DPP10: variants seen among roughly 807,000 people sequenced by gnomAD.
DPP10 encodes the protein inactive dipeptidyl peptidase 10.
In DPP10, 33 loss-of-function variants were observed where a neutral mutation model predicts 120.9. The observed-to-expected ratio is 0.27, with a 90% CI of 0.21 to 0.37. The LOEUF is 0.37. DPP10 is among the 10% of genes least tolerant of loss of function. The probability of loss-of-function intolerance (pLI) is 1.00; values close to 1 mark genes in which losing one functional copy is unlikely to be tolerated. For missense variants in DPP10, 816 were observed against 942.8 expected (o/e 0.87, Z 1.76); for synonymous variants, 337 against 326.1 (o/e 1.03, Z -0.36).
chr2:114,481,092 G>A (rs902051066), intron 1 of DPP10, among the ~76,000 whole-genome samples: 14 of 151,430 alleles, frequency 9.2e-5, no homozygotes, highest in Non-Finnish European at 5.9e-5. Flanking sequence ...ATTTGACACC[G>A]AAAGCATGAT....
At chr2:115,063,613 C>A (rs1452191305) in intron 1 of DPP10, among the ~76,000 whole-genome samples, 1 of 152,140 alleles carries the variant, frequency 6.6e-6, no homozygotes, top group Non-Finnish European at 1.5e-5. Context: ...AATAAGATTG[C>A]ATGTCTATAA....
chr2:114,993,870 T>C (rs745820028), intron 1 of DPP10, among the ~76,000 whole-genome samples: 5 of 152,122 alleles, frequency 3.3e-5, no homozygotes, highest in Non-Finnish European at 5.9e-5. Context: ...GAAGTCCAAA[T>C]TGACTGCAAC....
At position 115,481,455 on chromosome 2, in the gene DPP10, G is replaced by A. The variant is rs367989804; in HGVS notation, c.272-18055G>A. Among the ~76,000 whole-genome samples, 31 of 152,216 alleles carry A rather than the reference G, an allele frequency of 2.0e-4. No homozygotes were observed. The East Asian group carries it at 3.7e-3, about 18-fold the overall frequency. The stretch of plus-strand genomic sequence containing the variant: ...ATCGTTCATTCATTCAGAGATAACC[G>A]GTATTGCAGTAAGTAGGCTGGACTT... On this transcript the variant is annotated intron_variant, in intron 3 of 25. Transcript: ENST00000410059.
intron 1 of DPP10, among the ~76,000 whole-genome samples, chr2:114,452,465 T>C (rs965646591): frequency 6.6e-6 from 1 of 152,134 alleles, no homozygotes; most frequent in Non-Finnish European, 1.5e-5. Context: ...ACTTTAAATA[T>C]TTCTTAGAGA....
intron 2 of DPP10, among the ~76,000 whole-genome samples, chr2:115,341,717 C>T (rs10178147): frequency 0.79 from 119,577 of 152,042 alleles, 47,234 homozygotes; most frequent in Non-Finnish European, 0.83. Flanking sequence ...CCTTTTCTTA[C>T]TGGCTTCTTT....
intron 1 of DPP10, among the ~76,000 whole-genome samples, chr2:115,191,746 C>T (rs1463573234): frequency 2.0e-5 from 3 of 152,182 alleles, no homozygotes; most frequent in Non-Finnish European, 4.4e-5. Flanking sequence ...CTTCCCAGGC[C>T]GGTTCGAGCT....
intron 5 of DPP10, among the ~76,000 whole-genome samples, chr2:115,564,815 T>G (rs542453305): frequency 1.3e-5 from 2 of 152,334 alleles, no homozygotes; most frequent in African/African-American, 2.4e-5. Flanking sequence ...AAATAACATT[T>G]CTGTATTCAT....
chr2:114,834,801 G>A (rs1687540265), intron 1 of DPP10, among the ~76,000 whole-genome samples: 1 of 148,280 alleles, frequency 6.7e-6, no homozygotes, highest in Non-Finnish European at 1.5e-5. Context: ...ACACACCTAT[G>A]TATATATAAG....
chr2:114,740,468 T>A (rs1197671724), intron 1 of DPP10, among the ~76,000 whole-genome samples: 1 of 149,314 alleles, frequency 6.7e-6, no homozygotes, highest in African/African-American at 2.5e-5. Flanking sequence ...GTAACTAACC[T>A]GCACATTGTG....
At chr2:114,708,716 G>A (rs1480229726) in intron 1 of DPP10, among the ~76,000 whole-genome samples, 1 of 152,112 alleles carries the variant, frequency 6.6e-6, no homozygotes, top group Non-Finnish European at 1.5e-5. Context: ...AGTCCTAACA[G>A]CATTCCTTTA....
chr2:115,581,432 G>A (rs995940743), intron 5 of DPP10, among the ~76,000 whole-genome samples: 2 of 152,192 alleles, frequency 1.3e-5, no homozygotes, highest in South Asian at 4.2e-4. Flanking sequence ...TTTTCTCGAG[G>A]TCATACAGCA....
At chr2:114,667,838 C>G (rs1292302394) in intron 1 of DPP10, among the ~76,000 whole-genome samples, 1 of 152,108 alleles carries the variant, frequency 6.6e-6, no homozygotes, top group Non-Finnish European at 1.5e-5. Context: ...AAGTACAAAT[C>G]TGAAACATTC....
chr2:114,486,688 T>C (rs972711541), intron 1 of DPP10, among the ~76,000 whole-genome samples: 1 of 151,846 alleles, frequency 6.6e-6, no homozygotes, highest in African/African-American at 2.4e-5. Flanking sequence ...TTTGATTTGT[T>C]TTTTTTCTTT....
chr2:115,120,898 G>C (rs2049788541), intron 1 of DPP10, among the ~76,000 whole-genome samples: 1 of 152,034 alleles, frequency 6.6e-6, no homozygotes, highest in Admixed American at 6.6e-5. Context: ...TATAACCTTT[G>C]AATTAGACTA....
At chr2:115,796,711 A>G (rs181898016) in intron 19 of DPP10, among the ~76,000 whole-genome samples, 97 of 152,246 alleles carry the variant, frequency 6.4e-4, no homozygotes, top group African/African-American at 2.3e-3. Context: ...TAAGATAATA[A>G]GAATTGATAT....
At chr2:115,723,715 A>C (rs1237000842) in intron 7 of DPP10, among the ~76,000 whole-genome samples, 1 of 151,868 alleles carries the variant, frequency 6.6e-6, no homozygotes, top group African/African-American at 2.4e-5. Flanking sequence ...TATATTCCCA[A>C]ATGGGAATAA....
At chr2:114,997,325 T>TG (rs1553467735) in intron 1 of DPP10, among the ~76,000 whole-genome samples, 8 of 21,934 alleles carry the variant, frequency 3.6e-4, no homozygotes, top group Non-Finnish European at 4.8e-4. Flanking sequence ...CCGTCTCTAC[T>TG]GAAAAAAAAA....
At chr2:115,542,108 T>C (rs183754022) in intron 5 of DPP10, among the ~76,000 whole-genome samples, 17 of 152,068 alleles carry the variant, frequency 1.1e-4, no homozygotes, top group Admixed American at 1.1e-3. Flanking sequence ...ATGCTCATTT[T>C]CTGACATGCC....
intron 1 of DPP10, among the ~76,000 whole-genome samples, chr2:114,696,049 T>C (rs1573987653): frequency 6.6e-6 from 1 of 152,060 alleles, no homozygotes; most frequent in South Asian, 2.1e-4. Context: ...CCAAGAACAA[T>C]ATTAAATGAC....
Sources: allele counts gnomAD v4.1 joint callset (sites outside exome capture counted in the v4.1 genomes callset), GRCh38; gene constraint gnomAD v4.1.1; transcripts MANE v1.5; gene names NCBI Gene and HGNC (gene_info 2026-07-23, HGNC 2026-07-21).